Variants in ABCD3 observed in about 807,000 individuals in gnomAD.
The protein encoded by ABCD3 is ATP binding cassette subfamily D member 3, also known as ATP-binding cassette sub-family D member 3.
In ABCD3, 41 loss-of-function variants were observed where a neutral mutation model predicts 105.5. That is an observed-to-expected ratio of 0.39 (90% CI 0.30 to 0.50). The LOEUF is 0.50. Ranked by LOEUF, ABCD3 falls within the 20% of genes least tolerant of loss-of-function variation. The pLI is 0.84. For missense variants in ABCD3, 622 were observed against 806.3 expected, an observed-to-expected ratio of 0.77 and a Z score of 2.77; for synonymous variants, 258 against 269.0, an observed-to-expected ratio of 0.96 and a Z score of 0.40.
intron 1 of ABCD3, among the ~76,000 whole-genome samples, chr1:94,424,988 A>C (rs533725216): frequency 5.9e-5 from 9 of 152,236 alleles, no homozygotes; most frequent in Admixed American, 5.2e-4. Flanking sequence ...TGAGATTCTC[A>C]TTTTTTGGGG....
At chr1:94,451,917 A>G (rs1182427964) in intron 1 of ABCD3, among the ~76,000 whole-genome samples, 1 of 152,086 alleles carries the variant, frequency 6.6e-6, no homozygotes, top group Non-Finnish European at 1.5e-5. Context: ...TCTCATTTCC[A>G]TATGCAGTTA....
At chr1:94,464,521 T>C (rs1182486554) in intron 2 of ABCD3, among the ~76,000 whole-genome samples, 1 of 151,972 alleles carries the variant, frequency 6.6e-6, no homozygotes, top group Non-Finnish European at 1.5e-5. Context: ...TTGCTATTTC[T>C]TCTGCTTGCA....
At chr1:94,464,016 G>A (rs1297909931) in intron 2 of ABCD3, among the ~76,000 whole-genome samples, 1 of 152,000 alleles carries the variant, frequency 6.6e-6, no homozygotes, top group Non-Finnish European at 1.5e-5. Context: ...ATAATCACAT[G>A]GCTTTTTTTT....
At chr1:94,415,335 T>A (rs992919105), upstream of ABCD3, among the ~76,000 whole-genome samples, 2 of 152,218 alleles carry the variant, frequency 1.3e-5, no homozygotes, top group African/African-American at 4.8e-5. Context: ...TAACTTCCTA[T>A]GCCCTGCCTA....
intron 4 of ABCD3, among the ~76,000 whole-genome samples, chr1:94,469,436 T>C (rs1235840145): frequency 1.3e-5 from 2 of 151,780 alleles, no homozygotes; most frequent in Admixed American, 6.6e-5. Flanking sequence ...TGCGTTTCCA[T>C]ACAACTTTTT....
intron 20 of ABCD3, among the ~76,000 whole-genome samples, chr1:94,506,127 G>A (rs1376714324): frequency 6.6e-6 from 1 of 152,094 alleles, no homozygotes; most frequent in African/African-American, 2.4e-5. Flanking sequence ...AATATTAATT[G>A]GTACCATTAC....
chr1:94,406,486 G>T, the ABCD3 span: 1 of 418,872 alleles, frequency 2.4e-6, no homozygotes. Context: ...GGAACAGGCT[G>T]GCGCTTCAGT....
intron 1 of ABCD3, among the ~76,000 whole-genome samples, chr1:94,447,389 TA>T (rs955320898): frequency 6.6e-6 from 1 of 152,080 alleles, no homozygotes; most frequent in African/African-American, 2.4e-5. Context: ...CTGCTATGAT[TA>T]AAAAAAATTG....
chr1:94,399,595 A>G, the ABCD3 span, among the ~76,000 whole-genome samples: 1 of 152,298 alleles, frequency 6.6e-6, no homozygotes, highest in Admixed American at 6.5e-5. Context: ...TGGAACCCAG[A>G]CTCATGACTC....
At chr1:94,474,967 G>A (rs1228148981) in intron 5 of ABCD3, among the ~76,000 whole-genome samples, 176 bp from the exon 6 acceptor site, 4 of 152,024 alleles carry the variant, frequency 2.6e-5, no homozygotes, top group African/African-American at 7.2e-5. Flanking sequence ...TAATTCAAAC[G>A]AGGTACATTT....
chr1:94,469,472 C>T (rs1648332870), intron 4 of ABCD3, among the ~76,000 whole-genome samples: 1 of 147,020 alleles, frequency 6.8e-6, no homozygotes, highest in Admixed American at 6.8e-5. Context: ...TACAAATTGG[C>T]AGTTATTTGT....
chr1:94,517,014 CTTAG>C, intron 22 of ABCD3, 34 bp from the exon 23 acceptor site: 1 of 1,367,374 alleles, frequency 7.3e-7, no homozygotes. Flanking sequence ...TATATTCACT[CTTAG>C]TTACTGACTT....
chr1:94,482,425 G>A (rs988029614), intron 9 of ABCD3: 1 of 152,168 alleles, frequency 6.6e-6, no homozygotes, highest in African/African-American at 2.4e-5. Flanking sequence ...GAGGTACTTT[G>A]CTGGGAAAGC....
chr1:94,465,676 T>C (rs1341321519), intron 3 of ABCD3, among the ~76,000 whole-genome samples: 1 of 152,224 alleles, frequency 6.6e-6, no homozygotes, highest in Non-Finnish European at 1.5e-5. Context: ...TTTTAAGATA[T>C]GCAAAATGAT....
intron 1 of ABCD3, among the ~76,000 whole-genome samples, chr1:94,422,916 C>T (rs374401085): frequency 4.6e-5 from 7 of 152,264 alleles, no homozygotes; most frequent in African/African-American, 1.2e-4. Flanking sequence ...CAGTTTCTTT[C>T]GCTTCTTATC....
upstream of ABCD3, among the ~76,000 whole-genome samples, chr1:94,414,651 T>G (rs1202569124): frequency 6.6e-6 from 1 of 152,158 alleles, no homozygotes; most frequent in African/African-American, 2.4e-5. Flanking sequence ...CTCCACAAAT[T>G]GACTTCAGTT....
intron 7 of ABCD3, 32 bp downstream of exon 7, chr1:94,475,769 G>C (rs373946977): frequency 1.3e-6 from 2 of 1,565,336 alleles, no homozygotes; most frequent in African/African-American, 2.7e-5. Context: ...AAGATTATTT[G>C]TTTAATTTTT....
chr1:94,451,950 C>T (rs1042223643), intron 1 of ABCD3, among the ~76,000 whole-genome samples: 19 of 152,184 alleles, frequency 1.2e-4, no homozygotes, highest in African/African-American at 4.6e-4. Flanking sequence ...TATTTATTCC[C>T]TTACTTGTCA....
At position 94,418,421 on chromosome 1, in the gene ABCD3, A is replaced by AGCCGCG; in HGVS notation, c.-53_-52insGGCCGC. ...TCCCCCGCGCTGCGTGCAGTAAGGT[A>AGCCGCG]GCCGCCGCCGCCGCCGCCGCCGCGT... On this transcript the variant is annotated 5_prime_UTR_variant, in exon 1 of 23. Coordinates refer to ENST00000370214, the MANE Select transcript of ABCD3 (RefSeq NM_002858.4). The AGCCGCG allele has an allele frequency of 7.1e-7, 1 of 1,405,466 alleles. No individual in the cohort carries two copies. The highest frequency in any genetic ancestry group is 9.7e-7 in the Non-Finnish European group (1 of 1,028,000). 87.1% of individuals were successfully genotyped at this position (1,405,466 alleles called of 1,614,324 possible). A position where few individuals can be genotyped will look rare whatever the true frequency, so the allele number is the denominator to read the frequency against.
Sources: allele counts gnomAD v4.1 joint callset (sites outside exome capture counted in the v4.1 genomes callset), GRCh38; gene constraint gnomAD v4.1.1; transcripts MANE v1.5; gene names NCBI Gene and HGNC (gene_info 2026-07-23, HGNC 2026-07-21).